NDUFA5: variants seen among roughly 807,000 people sequenced by gnomAD.
The protein encoded by NDUFA5 is NADH:ubiquinone oxidoreductase subunit A5.
A neutral mutation model predicts 19.8 loss-of-function variants in NDUFA5; 11 were observed. The observed-to-expected ratio is 0.56, with a 90% CI of 0.35 to 0.92. NDUFA5 has a LOEUF of 0.92. Ranked by LOEUF, NDUFA5 falls within the 40% of genes least tolerant of loss-of-function variation. NDUFA5 has a pLI of 0.01. For synonymous variants in NDUFA5, 47 were observed against 46.8 expected, an observed-to-expected ratio of 1.00 and a Z score of -0.01; for missense variants, 109 against 134.2, an observed-to-expected ratio of 0.81 and a Z score of 0.93.
chr7:123,563,805 CAG>C, the NDUFA5 span, among the ~76,000 whole-genome samples: 1 of 152,148 alleles, frequency 6.6e-6, no homozygotes, highest in Non-Finnish European at 1.5e-5. Flanking sequence ...ATGAGGGTCA[CAG>C]AGCCACAGGC....
chr7:123,538,224 C>T lies in NDUFA5; in HGVS notation c.*3895G>A, dbSNP rs1797811399. 6.6e-6 allele frequency: 1 copy of T among 152,168 alleles called. No individual in the cohort carries two copies. Among genetic ancestry groups the T allele is most frequent in the Admixed American group, 6.6e-5 (1 of 15,262 alleles). The allele number at this position is 152,168 out of a possible 1,614,324, so 9.4% of individuals were successfully genotyped here. ...TTGTGGGTCTATGAGCACTCCTTGC[C>T]AACCCTCCTTAGACATGCAGTATGA... On this transcript the variant is annotated 3_prime_UTR_variant, in exon 5 of 5. Transcript: ENST00000355749.
At chr7:123,562,100 G>A (rs1027026180), upstream of NDUFA5, among the ~76,000 whole-genome samples, 47 of 152,206 alleles carry the variant, frequency 3.1e-4, no homozygotes, top group African/African-American at 1.0e-3. Context: ...CATGTTGTGC[G>A]TGAAAACAAT....
At chr7:123,548,651 A>T (rs556652596) in intron 3 of NDUFA5, among the ~76,000 whole-genome samples, 3 of 152,340 alleles carry the variant, frequency 2.0e-5, no homozygotes, top group South Asian at 4.1e-4. Flanking sequence ...GATCAGATTG[A>T]GAAAATAACC....
the NDUFA5 span, among the ~76,000 whole-genome samples, chr7:123,586,573 T>C: frequency 6.6e-5 from 10 of 151,856 alleles, no homozygotes; most frequent in Non-Finnish European, 1.5e-4. Context: ...CTTGTACTTG[T>C]TTATTTTTGC....
chr7:123,572,131 CTTTTTTTTTTTT>C, the NDUFA5 span, among the ~76,000 whole-genome samples: 34 of 47,998 alleles, frequency 7.1e-4, 1 homozygote, highest in South Asian at 1.1e-3. Flanking sequence ...TGTAGAATTT[CTTTTTTTTTTTT>C]TTTTTTTTTT....
the NDUFA5 span, among the ~76,000 whole-genome samples, chr7:123,562,980 T>C: frequency 6.6e-6 from 1 of 151,940 alleles, no homozygotes. Flanking sequence ...TTTGTATTTT[T>C]AGTAGAGACA....
chr7:123,560,982 CAAAAT>C (rs1798680554), upstream of NDUFA5, among the ~76,000 whole-genome samples: 1 of 152,038 alleles, frequency 6.6e-6, no homozygotes, highest in South Asian at 2.1e-4. Flanking sequence ...ATAAATCTAA[CAAAAT>C]AAGTGTAACA....
At chr7:123,600,704 T>C in the NDUFA5 span, among the ~76,000 whole-genome samples, 1 of 152,210 alleles carries the variant, frequency 6.6e-6, no homozygotes, top group African/African-American at 2.4e-5. Flanking sequence ...GCTTTGAAGA[T>C]GACTGAAACG....
upstream of NDUFA5, among the ~76,000 whole-genome samples, chr7:123,560,276 T>C (rs1051678749): frequency 6.6e-6 from 1 of 152,174 alleles, no homozygotes; most frequent in African/African-American, 2.4e-5. Context: ...ACAAGACAAA[T>C]ATTTTTCCAC....
chr7:123,566,207 G>T, the NDUFA5 span, among the ~76,000 whole-genome samples: 1 of 152,240 alleles, frequency 6.6e-6, no homozygotes, highest in Non-Finnish European at 1.5e-5. Flanking sequence ...GCAGAGATCA[G>T]AGTGATGCAT....
rs1797840951 is a variant in NDUFA5 at position 123,539,052 on chromosome 7, G to A, written c.*3067C>T. 6.6e-6 allele frequency: 1 copy of A among 152,186 alleles called. No individual in the cohort carries two copies. The highest frequency in any genetic ancestry group is 2.4e-5 in the African/African-American group (1 of 41,436). The allele number at this position is 152,186 out of a possible 1,614,324, so 9.4% of individuals were successfully genotyped here. A position where few individuals can be genotyped will look rare whatever the true frequency, so the allele number is the denominator to read the frequency against. The stretch of plus-strand genomic sequence containing the variant: ...AAAAGGAGGGGGAGGGGAGAATGAG[G>A]GAGAGTGAAAGGATACAATAAAACT... On this transcript the variant is annotated 3_prime_UTR_variant, in exon 5 of 5. Coordinates refer to ENST00000355749, the MANE Select transcript of NDUFA5 (RefSeq NM_005000.5).
chr7:123,550,448 C>A, intron 3 of NDUFA5, 22 bp downstream of exon 3: 1 of 1,542,720 alleles, frequency 6.5e-7, no homozygotes, highest in Non-Finnish European at 8.9e-7. Context: ...CACAAGACAA[C>A]AAAACTGACT....
At chr7:123,564,998 T>C in the NDUFA5 span, among the ~76,000 whole-genome samples, 2 of 151,554 alleles carry the variant, frequency 1.3e-5, no homozygotes, top group African/African-American at 4.9e-5. Context: ...TTATAGAAAT[T>C]GGCTTATGCA....
the NDUFA5 span, among the ~76,000 whole-genome samples, chr7:123,591,492 G>A: frequency 5.5e-4 from 83 of 152,264 alleles, no homozygotes; most frequent in Non-Finnish European, 8.1e-4. Context: ...CTAGTTTATT[G>A]AGAGTTTTAA....
chr7:123,574,219 T>TC, the NDUFA5 span, among the ~76,000 whole-genome samples: 3 of 152,098 alleles, frequency 2.0e-5, no homozygotes, highest in South Asian at 6.2e-4. Flanking sequence ...TTTTTTTTTT[T>TC]CTGATTCACT....
rs901951033 is a variant in NDUFA5 at position 123,538,483 on chromosome 7, T to G, written c.*3636A>C. On this transcript the variant is annotated 3_prime_UTR_variant, in exon 5 of 5. Transcript: ENST00000355749. ...TCTAAACACAACTGGTAGCCTCTCA[T>G]TTACTTTTCTCTAAAACAATTGGCA... 1 of 152,196 alleles carries G rather than the reference T, an allele frequency of 6.6e-6. No individual in the cohort carries two copies. The highest frequency in any genetic ancestry group is 2.4e-5 in the African/African-American group (1 of 41,452). The allele number at this position is 152,196 out of a possible 1,614,324, so 9.4% of individuals were successfully genotyped here.
chr7:123,601,091 T>C, the NDUFA5 span, among the ~76,000 whole-genome samples: 2 of 152,164 alleles, frequency 1.3e-5, no homozygotes, highest in Non-Finnish European at 2.9e-5. Context: ...CAGATGGCTT[T>C]GTGAGTGCCG....
At chr7:123,587,467 T>A in the NDUFA5 span, among the ~76,000 whole-genome samples, 5 of 151,668 alleles carry the variant, frequency 3.3e-5, no homozygotes, top group African/African-American at 1.2e-4. Flanking sequence ...GTTTTTTTTT[T>A]ATACATGGTA....
At chr7:123,569,852 G>C in the NDUFA5 span, among the ~76,000 whole-genome samples, 8 of 152,146 alleles carry the variant, frequency 5.3e-5, no homozygotes, top group African/African-American at 1.9e-4. Flanking sequence ...ACAAAAAAGA[G>C]GAAGCAGAAG....
Sources: allele counts gnomAD v4.1 joint callset (sites outside exome capture counted in the v4.1 genomes callset), GRCh38; gene constraint gnomAD v4.1.1; transcripts MANE v1.5; gene names NCBI Gene and HGNC (gene_info 2026-07-23, HGNC 2026-07-21).